The following KCNH2 variants were observed in gnomAD, a reference collection of about 807,000 sequenced individuals.
The protein encoded by KCNH2 is voltage-gated inwardly rectifying potassium channel KCNH2.
A neutral mutation model predicts 95.9 loss-of-function variants in KCNH2; 35 were observed. The ratio of observed to expected loss-of-function variants is 0.37; its 90% confidence interval spans 0.28 to 0.48. The LOEUF is 0.48. KCNH2 is among the 20% of genes least tolerant of loss of function. The pLI, the probability that KCNH2 is intolerant of heterozygous loss-of-function variation, is 0.99. For missense variants in KCNH2, 1,274 were observed against 1,702.9 expected, an observed-to-expected ratio of 0.75 and a Z score of 4.43; for synonymous variants, 786 against 754.7, an observed-to-expected ratio of 1.04 and a Z score of -0.68.
At chr7:150,960,441 A>T (rs1018228229) in intron 2 of KCNH2, among the ~76,000 whole-genome samples, 3 of 152,260 alleles carry the variant, frequency 2.0e-5, no homozygotes, top group Admixed American at 6.5e-5. Context: ...TGCCTGGCGT[A>T]TGCCGCACAC....
rs1343573339 is a variant in KCNH2 at position 150,945,749 on chromosome 7, A to C, written c.3331-235T>G. On this transcript the variant is annotated intron_variant, in intron 14 of 14. Transcript: ENST00000262186. This position sits in a 1 kb window ranked among gnomAD's most constrained non-coding sequence, Gnocchi z 5.6. Reference sequence around the variant, plus strand: ...GTAGAGAAAGGCATTCTCTGAGAGCAGGAGCCAAACAAGAGAGCTGGGAGC... The same window carrying C: ...GTAGAGAAAGGCATTCTCTGAGAGCCGGAGCCAAACAAGAGAGCTGGGAGC... Among the ~76,000 whole-genome samples, 1 of 152,206 alleles carries C rather than the reference A, an allele frequency of 6.6e-6. No individual in the cohort carries two copies. Among genetic ancestry groups the C allele is most frequent in the Non-Finnish European group, 1.5e-5 (1 of 68,026 alleles).
intron 2 of KCNH2, among the ~76,000 whole-genome samples, chr7:150,960,756 C>G (rs543568070): frequency 6.6e-6 from 1 of 152,302 alleles, no homozygotes; most frequent in East Asian, 1.9e-4. Flanking sequence ...TTTCCAGTCT[C>G]TCTCTGTCCA....
intron 2 of KCNH2, among the ~76,000 whole-genome samples, chr7:150,966,003 C>G (rs541194733): frequency 2.0e-5 from 3 of 152,344 alleles, no homozygotes; most frequent in Admixed American, 6.5e-5. Context: ...TTTGATGAAG[C>G]AAAATTCAAC....
chr7:150,948,644 G>A (rs1801016532), intron 10 of KCNH2, 101 bp from the exon 11 acceptor site: 8 of 1,228,478 alleles, frequency 6.5e-6, no homozygotes, highest in Non-Finnish European at 5.9e-6. Context: ...AGGGCTGGGC[G>A]CCCCAGCTCT....
At chr7:150,965,224 G>A (rs371939573) in intron 2 of KCNH2, among the ~76,000 whole-genome samples, 1 of 152,158 alleles carries the variant, frequency 6.6e-6, no homozygotes, top group African/African-American at 2.4e-5. Context: ...CTTCCAGCCT[G>A]AGACCCAGCC....
Position 150,962,627 on chromosome 7 carries a change from CAGAGAGAGAG to C in KCNH2, c.308-2901_308-2892del, listed in dbSNP as rs41307331. Among the ~76,000 whole-genome samples the C allele has an allele frequency of 6.2e-5, 9 of 146,264 alleles. No individual in the cohort carries two copies. The highest frequency in any genetic ancestry group is 2.3e-4 in the African/African-American group (9 of 39,214). ...CACACTTACACACACACACGAGAGACAGAGAGAGAGAGAGAGAGAGAGAGAGGAGTGACTG... is the reference window on the plus strand; with the variant it reads ...CACACTTACACACACACACGAGAGACAGAGAGAGAGAGAGAGGAGTGACTG... On this transcript the variant is annotated intron_variant, in intron 2 of 14. Transcript: ENST00000262186. This position sits in a 1 kb window ranked among gnomAD's most constrained non-coding sequence, Gnocchi z 5.7.
chr7:150,963,622 C>G (rs184159705), intron 2 of KCNH2, among the ~76,000 whole-genome samples: 1 of 151,848 alleles, frequency 6.6e-6, no homozygotes, highest in South Asian at 2.1e-4. Flanking sequence ...AGCCTCAGCC[C>G]CAGCGCTGGC....
intron 5 of KCNH2, among the ~76,000 whole-genome samples, chr7:150,956,535 T>G (rs1047618076): frequency 6.6e-6 from 1 of 151,594 alleles, no homozygotes; most frequent in Non-Finnish European, 1.5e-5. Flanking sequence ...GGATAAGGTG[T>G]CGGGTGGATG....
chr7:150,959,042 C>T (rs986823035), intron 3 of KCNH2, among the ~76,000 whole-genome samples: 3 of 152,214 alleles, frequency 2.0e-5, no homozygotes, highest in South Asian at 2.1e-4. Flanking sequence ...GAAGGGGCTC[C>T]GAGCCTTTGT....
At chr7:150,954,117 G>T (rs1801282333) in intron 5 of KCNH2, among the ~76,000 whole-genome samples, 1 of 152,234 alleles carries the variant, frequency 6.6e-6, no homozygotes, top group Admixed American at 6.5e-5. Context: ...CAGATGGGCT[G>T]CGGGAGCAGC....
intron 5 of KCNH2, among the ~76,000 whole-genome samples, chr7:150,955,032 G>A (rs911037519): frequency 1.3e-4 from 20 of 152,362 alleles, no homozygotes; most frequent in African/African-American, 4.8e-4. Context: ...AGGCCCAGCT[G>A]TCGCCTGCCG....
chr7:150,963,591 C>T (rs1801625831), intron 2 of KCNH2, among the ~76,000 whole-genome samples: 1 of 148,576 alleles, frequency 6.7e-6, no homozygotes, highest in African/African-American at 2.5e-5. Flanking sequence ...CCAGCCCCAG[C>T]CCCGACCCCA....
At chr7:150,950,679 T>C (rs1301174380) in intron 8 of KCNH2, among the ~76,000 whole-genome samples, 1 of 152,160 alleles carries the variant, frequency 6.6e-6, no homozygotes, top group Non-Finnish European at 1.5e-5. Flanking sequence ...CGCCCTGGGC[T>C]GTCACAAGGA....
chr7:150,948,956 T>C lies in KCNH2; in HGVS notation c.2492A>G (p.His831Arg). The C allele has an allele frequency of 6.2e-7, 1 of 1,614,174 alleles. No homozygotes were observed. Among genetic ancestry groups the C allele is most frequent in the East Asian group, 2.2e-5 (1 of 44,878 alleles). ...DVRALTYCDL[H>R]KIHRDDLLEV... ...CAGCAGGTCGTCCCGATGGATCTTG[T>C]GTAGGTCACAGTAGGTGAGGGCCCG... Residue 831 changes from histidine (H) to arginine (R), a missense_variant, in exon 10 of 15, where the codon CAC becomes CGC. His to Arg is a conservative substitution (Grantham distance 29). This residue lies in a region of KCNH2 where 159 missense variants were observed against 282.5 expected (regional missense o/e 0.56). Coordinates refer to ENST00000262186, the MANE Select transcript of KCNH2 (RefSeq NM_000238.4).
chr7:150,947,281 G>T, intron 13 of KCNH2, 47 bp downstream of exon 13: 2 of 1,468,614 alleles, frequency 1.4e-6, no homozygotes. Flanking sequence ...CCAGGACCTG[G>T]ACCAGACTCC....
chr7:150,953,594 C>G (rs1416353029), intron 5 of KCNH2, among the ~76,000 whole-genome samples: 1 of 152,220 alleles, frequency 6.6e-6, no homozygotes, highest in African/African-American at 2.4e-5. Flanking sequence ...CCAGCTCACA[C>G]TCACACTCTG....
Position 150,948,933 on chromosome 7 carries a change from G to T in KCNH2, c.2515C>A (p.Leu839Met), listed in dbSNP as rs1801028129. The T allele has an allele frequency of 1.2e-6, 2 of 1,614,226 alleles. No individual in the cohort carries two copies. The highest frequency in any genetic ancestry group is 1.7e-6 in the Non-Finnish European group (2 of 1,180,034). ...DLHKIHRDDL[L>M]EVLDMYPEFS... Reference sequence around the variant, plus strand: ...TCAGGGTACATGTCCAGCACCTCCAGCAGGTCGTCCCGATGGATCTTGTGT... The same window carrying T: ...TCAGGGTACATGTCCAGCACCTCCATCAGGTCGTCCCGATGGATCTTGTGT... Residue 839 changes from leucine (L) to methionine (M), a missense_variant, in exon 10 of 15, where the codon CTG becomes ATG. By Grantham distance (15) the Leu-to-Met change is conservative. This residue lies in a region of KCNH2 where 159 missense variants were observed against 282.5 expected (regional missense o/e 0.56). Coordinates refer to ENST00000262186, the MANE Select transcript of KCNH2 (RefSeq NM_000238.4).
At chr7:150,949,371 A>G in intron 9 of KCNH2, 1 of 1,237,734 alleles carries the variant, frequency 8.1e-7, no homozygotes, top group Non-Finnish European at 1.0e-6. Context: ...TGTTCTTCAA[A>G]CCAAAGATCA....
intron 5 of KCNH2, among the ~76,000 whole-genome samples, chr7:150,954,822 G>C (rs1173380167): frequency 1.3e-5 from 2 of 152,232 alleles, no homozygotes; most frequent in Non-Finnish European, 2.9e-5. Flanking sequence ...AGGTCACAGA[G>C]TAGTGCATGG....
Sources: gnomAD v4.1 joint callset for allele counts (sites outside exome capture counted in the v4.1 genomes callset) on GRCh38, gnomAD v4.1.1 for gene constraint, gnomAD v4.1.1 regional missense constraint, Gnocchi (gnomAD v3.1) non-coding constraint, MANE v1.5 for transcripts, NCBI Gene and HGNC (gene_info 2026-07-23, HGNC 2026-07-21) for gene names.